The following SLC4A1 variants were observed in gnomAD, a reference collection of about 807,000 sequenced individuals.
The protein encoded by SLC4A1 is solute carrier family 4 member 1 (Diego blood group), also known as band 3 anion transport protein.
Under a neutral mutation model 93.1 loss-of-function variants are expected in SLC4A1, and 29 were observed. The observed-to-expected ratio is 0.31, with a 90% CI of 0.23 to 0.42. The LOEUF is 0.42. SLC4A1 is among the 20% of genes least tolerant of loss of function. The pLI is 1.00. For synonymous variants in SLC4A1, 469 were observed against 497.2 expected (o/e 0.94, Z 0.76); for missense variants, 965 against 1,190.1 (o/e 0.81, Z 2.78).
chr17:44,252,073 T>TTTTTTTG (rs2047348155), intron 17 of SLC4A1, among the ~76,000 whole-genome samples: 1 of 140,738 alleles, frequency 7.1e-6, no homozygotes, highest in African/African-American at 2.6e-5. Flanking sequence ...TTTTTTTTTT[T>TTTTTTTG]GAGGCGGAGT....
intron 16 of SLC4A1, 30 bp from the exon 17 acceptor site, chr17:44,253,401 G>C (rs1326642611): frequency 8.8e-6 from 14 of 1,599,188 alleles, no homozygotes; most frequent in Non-Finnish European, 1.1e-5. Context: ...GGGGTAAGCA[G>C]GGTTCTCCCC....
chr17:44,264,574 C>T (rs1028605010), intron 1 of SLC4A1, among the ~76,000 whole-genome samples: 1 of 152,212 alleles, frequency 6.6e-6, no homozygotes, highest in African/African-American at 2.4e-5. Context: ...CCTGTATGTC[C>T]CATCCCCACG....
Position 44,257,810 on chromosome 17 carries a change from G to C in SLC4A1, c.1283-3C>G. The C allele has an allele frequency of 6.2e-7, 1 of 1,613,596 alleles. No individual in the cohort carries two copies. Among genetic ancestry groups the C allele is most frequent in the Non-Finnish European group, 8.5e-7 (1 of 1,180,028 alleles). The stretch of plus-strand genomic sequence containing the variant: ...CATCTGGTTCCGGGTCTTTTCTCCT[G>C]TGGGTAGAGGTCACAGTGGGATCAA... On this transcript the variant is annotated splice_polypyrimidine_tract_variant and splice_region_variant and intron_variant, in intron 11 of 19. Transcript: ENST00000262418.
rs1411384530 is a variant in SLC4A1, at chr17:44,261,717, C to T, written c.107-81G>A. On this transcript the variant is annotated intron_variant, in intron 3 of 19. Coordinates refer to ENST00000262418, the MANE Select transcript of SLC4A1 (RefSeq NM_000342.4). ...CACCATCCACTGTGAGCCTCAGAGA[C>T]CCAGGCATGGGCAGATGCCCCTCCT... The T allele has an allele frequency of 5.0e-6, 8 of 1,611,984 alleles. No individual in the cohort carries two copies. The East Asian group carries it at 1.8e-4, about 36-fold the overall frequency.
At chr17:44,253,423 C>A (rs1157448269) in intron 16 of SLC4A1, 52 bp from the exon 17 acceptor site, 1 of 1,574,362 alleles carries the variant, frequency 6.4e-7, no homozygotes, top group Admixed American at 1.7e-5. Context: ...GCCTCCTCCA[C>A]CCCCTCCTTC....
chr17:44,252,093 T>C (rs965866319), intron 17 of SLC4A1, among the ~76,000 whole-genome samples: 2 of 146,154 alleles, frequency 1.4e-5, no homozygotes, highest in African/African-American at 5.2e-5. Context: ...TCTCACTCTG[T>C]TGCCCAGGCT....
chr17:44,256,638 T>TC (rs2047391549), intron 13 of SLC4A1, among the ~76,000 whole-genome samples: 1 of 151,852 alleles, frequency 6.6e-6, no homozygotes, highest in Non-Finnish European at 1.5e-5. Flanking sequence ...GGCTCCAGAG[T>TC]CCCCCCAGCT....
chr17:44,265,304 C>A (rs904006636), intron 1 of SLC4A1, among the ~76,000 whole-genome samples: 1 of 152,008 alleles, frequency 6.6e-6, no homozygotes, highest in Non-Finnish European at 1.5e-5. Flanking sequence ...GAGCAGGACG[C>A]GTTTGCAGCA....
intron 17 of SLC4A1, 60 bp from the exon 18 acceptor site, chr17:44,251,648 T>A: frequency 6.6e-7 from 1 of 1,522,638 alleles, no homozygotes. Context: ...CAGTGGGGGG[T>A]CAGGCCCCTA....
At chr17:44,265,849 C>T (rs757727635) in intron 1 of SLC4A1, among the ~76,000 whole-genome samples, 2 of 151,964 alleles carry the variant, frequency 1.3e-5, no homozygotes, top group African/African-American at 2.4e-5. Flanking sequence ...GGCGTGGTGG[C>T]GCATGCCTGT....
chr17:44,254,810 C>T, intron 15 of SLC4A1, 148 bp from the exon 16 acceptor site: 2 of 661,352 alleles, frequency 3.0e-6, no homozygotes, highest in Non-Finnish European at 5.3e-6. Context: ...TGTACCTAAT[C>T]ATTACACTAA....
In SLC4A1 at chr17:44,248,711, G is replaced by GCCC. The variant is rs1340868776; in HGVS notation, c.*1746_*1747insGGG. 5 of 155,894 alleles carry GCCC rather than the reference G, an allele frequency of 3.2e-5. No individual in the cohort carries two copies. The highest frequency in any genetic ancestry group is 1.2e-4 in the African/African-American group (5 of 41,430). 9.7% of individuals were successfully genotyped at this position (155,894 alleles called of 1,614,324 possible). On this transcript the variant is annotated 3_prime_UTR_variant, in exon 20 of 20. Transcript: ENST00000262418. The stretch of plus-strand genomic sequence containing the variant: ...ATGGGCGAAGTGGTGAAAGGTGGGT[G>GCCC]TCAGCTTTCAGGGACAGGAGAGCCT...
intron 7 of SLC4A1, 22 bp from the exon 8 acceptor site, chr17:44,259,603 C>T (rs532505327): frequency 1.7e-5 from 27 of 1,586,054 alleles, no homozygotes; most frequent in Admixed American, 1.7e-4. Flanking sequence ...AGGGTGGTGA[C>T]GGGAGTCCTC....
Position 44,262,787 on chromosome 17 carries a change from G to C in SLC4A1, c.16-61C>G, listed in dbSNP as rs551326318. ...GGCTCTTCCACCCCCAACGAAGATA[G>C]GAGTCTAGGACCAGGTCCCCAGAGC... On this transcript the variant is annotated intron_variant, in intron 2 of 19. Coordinates refer to ENST00000262418, the MANE Select transcript of SLC4A1 (RefSeq NM_000342.4). 3 of 1,608,740 alleles carry C rather than the reference G, an allele frequency of 1.9e-6. No individual in the cohort carries two copies. The East Asian group carries it at 6.7e-5, about 36-fold the overall frequency.
At chr17:44,261,471 C>G (rs2047443906) in intron 4 of SLC4A1, 104 bp downstream of exon 4, 18 of 1,587,258 alleles carry the variant, frequency 1.1e-5, no homozygotes, top group Non-Finnish European at 1.5e-5. Flanking sequence ...GCAGGGTCTC[C>G]CCCAGCCTGA....
chr17:44,258,179 G>A lies in SLC4A1; in HGVS notation c.1089C>T (p.Asp363=). ...KPDSSFYKGL[D]LNGGPDDPLQ... ...GAGGGTCATCTGGGCCCCCATTTAA[G>A]TCTGTGGTGGAGGATAAGAGCATGG... Residue 363 remains aspartate, a splice_region_variant and synonymous_variant, in exon 11 of 20, where the codon GAC becomes GAT. Transcript: ENST00000262418. This position sits in a 1 kb window ranked among gnomAD's most constrained non-coding sequence, Gnocchi z 6.1. 2 of 1,613,986 alleles carry A rather than the reference G, an allele frequency of 1.2e-6. No individual in the cohort carries two copies. Among genetic ancestry groups the A allele is most frequent in the Non-Finnish European group, 1.7e-6 (2 of 1,179,952 alleles).
intron 1 of SLC4A1, among the ~76,000 whole-genome samples, chr17:44,264,109 C>T (rs1427583827): frequency 6.6e-6 from 1 of 152,068 alleles, no homozygotes; most frequent in Non-Finnish European, 1.5e-5. Context: ...CTTAAGTGAA[C>T]CTCCCACCTC....
In SLC4A1 at chr17:44,250,424, TG is replaced by T; in HGVS notation, c.*33del. On this transcript the variant is annotated 3_prime_UTR_variant, in exon 20 of 20. Coordinates refer to ENST00000262418, the MANE Select transcript of SLC4A1 (RefSeq NM_000342.4). Reference sequence around the variant, plus strand: ...TTCCTTGGAAGGTGGGGATGTGGAATGGTGGGGGAGGGTCTAGGGCCTGGGC... The same window carrying T: ...TTCCTTGGAAGGTGGGGATGTGGAATGTGGGGGAGGGTCTAGGGCCTGGGC... 2 of 1,538,004 alleles carry T rather than the reference TG, an allele frequency of 1.3e-6. No individual in the cohort carries two copies. Among genetic ancestry groups the T allele is most frequent in the South Asian group, 1.1e-5 (1 of 89,468 alleles).
In SLC4A1 at chr17:44,250,298, G is replaced by C. The variant is rs1598294603; in HGVS notation, c.*160C>G. On this transcript the variant is annotated 3_prime_UTR_variant, in exon 20 of 20. Transcript: ENST00000262418. ...AAAGCCAGGCTACCCTTTGTGGAAGGTCTCCTGGACACGCCTTCCTTCCCC... is the reference window on the plus strand; with the variant it reads ...AAAGCCAGGCTACCCTTTGTGGAAGCTCTCCTGGACACGCCTTCCTTCCCC... 1.5e-6 allele frequency: 1 copy of C among 651,406 alleles called. No homozygotes were observed. Among genetic ancestry groups the C allele is most frequent in the East Asian group, 2.8e-5 (1 of 35,998 alleles). 40.4% of individuals were successfully genotyped at this position (651,406 alleles called of 1,614,324 possible).
Sources: allele counts gnomAD v4.1 joint callset (sites outside exome capture counted in the v4.1 genomes callset), GRCh38; gene constraint gnomAD v4.1.1; non-coding constraint Gnocchi (gnomAD v3.1); transcripts MANE v1.5; gene names NCBI Gene and HGNC (gene_info 2026-07-23, HGNC 2026-07-21).